Variants in CALD1 observed in about 807,000 individuals in gnomAD.
CALD1 encodes the protein caldesmon.
Under a neutral mutation model 99.9 loss-of-function variants are expected in CALD1, and 33 were observed. The observed-to-expected ratio is 0.33, with a 90% CI of 0.25 to 0.44. The LOEUF (loss-of-function observed/expected upper bound fraction) is 0.44, where lower values mean the gene tolerates loss of function less well. CALD1 is among the 20% of genes least tolerant of loss of function. CALD1 has a pLI of 1.00. For synonymous variants in CALD1, 310 were observed against 325.0 expected (o/e 0.95, Z 0.50); for missense variants, 861 against 962.1 (o/e 0.89, Z 1.39).
intron 1 of CALD1, among the ~76,000 whole-genome samples, chr7:134,750,564 G>A (rs1796676963): frequency 6.6e-6 from 1 of 151,998 alleles, no homozygotes; most frequent in African/African-American, 2.4e-5. Context: ...AAAAGCTGAG[G>A]TACATGTTTG....
At chr7:134,924,741 C>T (rs1804865882) in intron 3 of CALD1, among the ~76,000 whole-genome samples, 1 of 152,098 alleles carries the variant, frequency 6.6e-6, no homozygotes, top group Non-Finnish European at 1.5e-5. Context: ...GGCTTTGTGT[C>T]CCTACCCAAA....
intron 4 of CALD1, among the ~76,000 whole-genome samples, chr7:134,931,378 C>A (rs1414380727): frequency 1.3e-5 from 2 of 152,146 alleles, no homozygotes; most frequent in African/African-American, 4.8e-5. Context: ...CCTCTATAGA[C>A]TTCCCCTTAA....
At chr7:134,934,545 T>A (rs891212220) in intron 5 of CALD1, among the ~76,000 whole-genome samples, 1 of 151,614 alleles carries the variant, frequency 6.6e-6, no homozygotes, top group Non-Finnish European at 1.5e-5. Context: ...AAAGCTGGGG[T>A]GGGAAAGAGA....
chr7:134,872,368 A>C (rs1586165706), intron 3 of CALD1, among the ~76,000 whole-genome samples: 1 of 76,422 alleles, frequency 1.3e-5, no homozygotes, highest in East Asian at 3.2e-4. Context: ...AAAAAAAAAA[A>C]AAAAAAAAAA....
chr7:134,918,610 G>A (rs1334913013), intron 3 of CALD1, among the ~76,000 whole-genome samples: 4 of 152,236 alleles, frequency 2.6e-5, no homozygotes, highest in African/African-American at 4.8e-5. Flanking sequence ...ATAGGGATGC[G>A]ATTGAAGAGG....
Position 134,901,317 on chromosome 7 carries a change from C to T in CALD1, c.72-27437C>T, listed in dbSNP as rs113684916. 2.5e-3 allele frequency among the ~76,000 whole-genome samples: 376 copies of T among 151,940 alleles called. 2 individuals carry two copies. Among genetic ancestry groups the T allele is most frequent in the African/African-American group, 7.6e-3 (313 of 41,362 alleles). ...ATTTTATCAACTATGTGCCCTTGAG[C>T]GAATTACTGAATCTCTCTGAGTTTC... On this transcript the variant is annotated intron_variant, in intron 3 of 14. Coordinates refer to ENST00000361675, the MANE Select transcript of CALD1 (RefSeq NM_033138.4).
At chr7:134,804,961 T>G (rs571398885) in intron 1 of CALD1, among the ~76,000 whole-genome samples, 1 of 152,168 alleles carries the variant, frequency 6.6e-6, no homozygotes, top group Non-Finnish European at 1.5e-5. Context: ...AGGATGGGAA[T>G]TTTTAAGGGT....
At chr7:134,960,189 T>G (rs1808153330) in intron 12 of CALD1, 78 bp downstream of exon 12, 2 of 1,480,504 alleles carry the variant, frequency 1.4e-6, no homozygotes, top group African/African-American at 2.8e-5. Context: ...GGAATCACAC[T>G]AGTAAATAAT....
At chr7:134,778,520 T>C (rs1460961307), upstream of CALD1, among the ~76,000 whole-genome samples, 2 of 152,156 alleles carry the variant, frequency 1.3e-5, no homozygotes, top group Non-Finnish European at 2.9e-5. Context: ...GCCTGACAAA[T>C]AGTAAGTGCT....
intron 3 of CALD1, among the ~76,000 whole-genome samples, chr7:134,871,852 A>T (rs182732551): frequency 1.3e-5 from 2 of 152,368 alleles, no homozygotes; most frequent in East Asian, 1.9e-4. Flanking sequence ...GATTAAAATA[A>T]AGCGAATTTT....
chr7:134,926,369 C>A (rs1805017747), intron 3 of CALD1, among the ~76,000 whole-genome samples: 1 of 152,164 alleles, frequency 6.6e-6, no homozygotes, highest in Admixed American at 6.5e-5. Context: ...ATCTAGTCAT[C>A]CATTATCAAC....
In CALD1 at chr7:134,874,676, C is replaced by T. The variant is rs377741011; in HGVS notation, c.71+6872C>T. On this transcript the variant is annotated intron_variant, in intron 3 of 14. Coordinates refer to ENST00000361675, the MANE Select transcript of CALD1 (RefSeq NM_033138.4). ...AAGAAAGGCCCCTATTGTAGAGTTACGTTATCAGATTCAGAAGCTTACAGA... is the reference window on the plus strand; with the variant it reads ...AAGAAAGGCCCCTATTGTAGAGTTATGTTATCAGATTCAGAAGCTTACAGA... Among the ~76,000 whole-genome samples the T allele has an allele frequency of 7.2e-5, 11 of 152,226 alleles. No individual in the cohort carries two copies. The East Asian group carries it at 1.5e-3, about 21-fold the overall frequency.
chr7:134,881,944 C>T (rs1022721710), intron 3 of CALD1, among the ~76,000 whole-genome samples: 2 of 152,192 alleles, frequency 1.3e-5, no homozygotes, highest in South Asian at 2.1e-4. Context: ...GCTGTGCTTA[C>T]GAGGAGAACC....
Position 134,947,889 on chromosome 7 carries a change from T to G in CALD1, c.1794+120T>G, listed in dbSNP as rs897545214. ...TTTTAAGAATAATAAACTTACCATGTGCTAGGTACTGTTTTATAACTTGTA... is the reference window on the plus strand; with the variant it reads ...TTTTAAGAATAATAAACTTACCATGGGCTAGGTACTGTTTTATAACTTGTA... On this transcript the variant is annotated intron_variant, in intron 8 of 14. Transcript: ENST00000361675. The G allele has an allele frequency of 3.4e-6, 4 of 1,180,856 alleles. No individual in the cohort carries two copies. In the African/African-American group the frequency reaches 4.6e-5, roughly 14 times the overall value. The allele number at this position is 1,180,856 out of a possible 1,614,324, so 73.1% of individuals were successfully genotyped here.
chr7:134,805,816 G>A (rs983239292), intron 1 of CALD1, among the ~76,000 whole-genome samples: 3 of 152,128 alleles, frequency 2.0e-5, no homozygotes, highest in Non-Finnish European at 4.4e-5. Flanking sequence ...GCTGGAGTGT[G>A]GTGGTGTGAT....
At chr7:134,947,463 C>A in intron 7 of CALD1, 45 bp from the exon 8 acceptor site, 1 of 1,536,894 alleles carries the variant, frequency 6.5e-7, no homozygotes, top group Non-Finnish European at 8.8e-7. Flanking sequence ...AGGGAGACTA[C>A]AGGCAAAAGC....
In CALD1 at chr7:134,965,380, C is replaced by A; in HGVS notation, c.2370C>A (p.Pro790=). 6.7e-7 allele frequency: 1 copy of A among 1,487,640 alleles called. No homozygotes were observed. The allele number at this position is 1,487,640 out of a possible 1,614,324, so 92.2% of individuals were successfully genotyped here. The change falls in exon 14 of 15, where the codon CCC becomes CCA. Residue 790 remains proline (P), a synonymous_variant. Coordinates refer to ENST00000361675, the MANE Select transcript of CALD1 (RefSeq NM_033138.4). ...EKQSVDKVTS[P]TKV ...AATCTGTGGATAAGGTCACTTCCCC[C>A]ACTAAGGTAATCTATTGGGAAGACT... is the stretch of plus-strand genomic sequence containing the variant.
intron 3 of CALD1, among the ~76,000 whole-genome samples, chr7:134,894,939 T>A (rs1273457875): frequency 6.6e-6 from 1 of 152,120 alleles, no homozygotes; most frequent in African/African-American, 2.4e-5. Flanking sequence ...TTATATATCT[T>A]GCAGCTGAAA....
intron 3 of CALD1, among the ~76,000 whole-genome samples, chr7:134,877,088 G>C (rs774521746): frequency 6.6e-6 from 1 of 152,178 alleles, no homozygotes; most frequent in Non-Finnish European, 1.5e-5. Context: ...AAAGCACTTA[G>C]TAGTCCCTAA....
Sources: gnomAD v4.1 joint callset for allele counts (sites outside exome capture counted in the v4.1 genomes callset) on GRCh38, gnomAD v4.1.1 for gene constraint, MANE v1.5 for transcripts, NCBI Gene and HGNC (gene_info 2026-07-23, HGNC 2026-07-21) for gene names.